MGAT5B: variants seen among roughly 807,000 people sequenced by gnomAD.
MGAT5B encodes alpha-1,6-mannosylglycoprotein 6-beta-N-acetylglucosaminyltransferase B, also known as N-acetylglucosaminyl-transferase Vb.
In MGAT5B, 54 loss-of-function variants were observed where a neutral mutation model predicts 95.1. The observed-to-expected ratio is 0.57, with a 90% CI of 0.46 to 0.71. The LOEUF (loss-of-function observed/expected upper bound fraction) is 0.71, where lower values mean the gene tolerates loss of function less well. Among genes scored for constraint, MGAT5B ranks in the 30% least tolerant of loss-of-function variants. MGAT5B has a pLI of 0.00. For synonymous variants in MGAT5B, 464 were observed against 451.0 expected (o/e 1.03, Z -0.36); for missense variants, 935 against 1,088.6 (o/e 0.86, Z 1.99).
At chr17:76,901,229 G>A (rs1968305104) in intron 3 of MGAT5B, among the ~76,000 whole-genome samples, 1 of 152,140 alleles carries the variant, frequency 6.6e-6, no homozygotes, top group Non-Finnish European at 1.5e-5. Flanking sequence ...AGAAGAGGAG[G>A]AGAGGTGGGG....
chr17:76,875,834 G>T (rs1347857468), intron 2 of MGAT5B, among the ~76,000 whole-genome samples: 1 of 151,892 alleles, frequency 6.6e-6, no homozygotes, highest in African/African-American at 2.4e-5. Context: ...AGGCATTTCT[G>T]TTGGGTATAC....
chr17:76,932,588 CTGGGGCTGCCCT>C lies in MGAT5B; in HGVS notation c.1292-53_1292-42del, dbSNP rs1175852109. The C allele has an allele frequency of 5.6e-6, 9 of 1,607,318 alleles. No homozygotes were observed. The Admixed American group carries it at 1.5e-4, about 27-fold the overall frequency. ...CTTGGGCGGGGCAGTCCAGGGAGGC[CTGGGGCTGCCCT>C]TGGTTGTTTGGTGACCCCATTCCTT... is the stretch of plus-strand genomic sequence containing the variant. On this transcript the variant is annotated intron_variant, in intron 10 of 17. Coordinates refer to ENST00000569840, the MANE Select transcript of MGAT5B (RefSeq NM_001199172.2).
Position 76,949,971 on chromosome 17 carries a change from CT to C in MGAT5B, c.*1135del, listed in dbSNP as rs1970156997. 2.7e-5 allele frequency: 4 copies of C among 148,550 alleles called. No homozygotes were observed. The highest frequency in any genetic ancestry group is 1.1e-4 in the African/African-American group (4 of 37,424). 9.2% of individuals were successfully genotyped at this position (148,550 alleles called of 1,614,324 possible). Reference sequence around the variant, plus strand: ...CAAACCGCCTCTGGATCTAGCTGTCCTTCTCCGAGTGGCACGCCTGCCCCAG... The same window carrying C: ...CAAACCGCCTCTGGATCTAGCTGTCCTCTCCGAGTGGCACGCCTGCCCCAG... On this transcript the variant is annotated 3_prime_UTR_variant, in exon 18 of 18. Coordinates refer to ENST00000569840, the MANE Select transcript of MGAT5B (RefSeq NM_001199172.2).
At chr17:76,934,192 A>G (rs1321201340) in intron 12 of MGAT5B, among the ~76,000 whole-genome samples, 1 of 152,186 alleles carries the variant, frequency 6.6e-6, no homozygotes, top group Non-Finnish European at 1.5e-5. Context: ...AGAGCTTGCT[A>G]TGTGCCAGGC....
intron 3 of MGAT5B, among the ~76,000 whole-genome samples, chr17:76,883,856 T>C (rs181189978): frequency 4.6e-5 from 7 of 152,356 alleles, no homozygotes; most frequent in Non-Finnish European, 7.3e-5. Context: ...AGGAGGTCAC[T>C]GTGCCCGTGG....
chr17:76,902,518 C>A (rs1968350402), intron 3 of MGAT5B, 37 bp from the exon 4 acceptor site: 2 of 1,498,186 alleles, frequency 1.3e-6, no homozygotes, highest in Non-Finnish European at 1.8e-6. Flanking sequence ...GTCACCCCGG[C>A]CGGTTCTGTG....
intron 3 of MGAT5B, among the ~76,000 whole-genome samples, chr17:76,883,428 C>T (rs1022286621): frequency 2.0e-5 from 3 of 152,188 alleles, no homozygotes; most frequent in Non-Finnish European, 4.4e-5. Flanking sequence ...CCTGCTTCGG[C>T]CAGGATGTCT....
intron 6 of MGAT5B, 25 bp downstream of exon 6, chr17:76,904,447 G>A (rs761836889): frequency 5.9e-5 from 91 of 1,545,920 alleles, no homozygotes; most frequent in East Asian, 5.1e-4. Flanking sequence ...TGGGTGGGCC[G>A]GTGAGGGGCT....
At chr17:76,895,848 A>C (rs1968046892) in intron 3 of MGAT5B, among the ~76,000 whole-genome samples, 1 of 152,214 alleles carries the variant, frequency 6.6e-6, no homozygotes, top group African/African-American at 2.4e-5. Flanking sequence ...TATATTTTAT[A>C]ATATATGAAA....
chr17:76,913,842 G>A (rs755443959), intron 8 of MGAT5B: 6 of 455,200 alleles, frequency 1.3e-5, no homozygotes, highest in South Asian at 3.1e-5. Context: ...TGGGTGGGGC[G>A]GCTCACTCCT....
chr17:76,893,033 G>A lies in MGAT5B; in HGVS notation c.330-9522G>A, dbSNP rs1305261597. The stretch of plus-strand genomic sequence containing the variant: ...GGCAGGCCTTTCTTTCTAATGTGTG[G>A]GTGTGGACATCCCGGAGCTGCCCAG... On this transcript the variant is annotated intron_variant, in intron 3 of 17. Coordinates refer to ENST00000569840, the MANE Select transcript of MGAT5B (RefSeq NM_001199172.2). Among the ~76,000 whole-genome samples the A allele has an allele frequency of 5.9e-5, 9 of 152,254 alleles. No homozygotes were observed. The East Asian group carries it at 1.5e-3, about 26-fold the overall frequency.
rs959687971 is a variant in MGAT5B at position 76,943,445 on chromosome 17, G to A, written c.1848+2597G>A. 2.0e-5 allele frequency among the ~76,000 whole-genome samples: 3 copies of A among 152,078 alleles called. No homozygotes were observed. In the East Asian group the frequency reaches 5.8e-4, roughly 29 times the overall value. ...ACATTTATGTGCCCAAGAGTCACCCGGGGGGAGGGCCTTAAATGCAGATCC... is the reference window on the plus strand; with the variant it reads ...ACATTTATGTGCCCAAGAGTCACCCAGGGGGAGGGCCTTAAATGCAGATCC... On this transcript the variant is annotated intron_variant, in intron 15 of 17. Transcript: ENST00000569840.
rs886740294 is a variant in MGAT5B, at chr17:76,900,000, G to A, written c.330-2555G>A. On this transcript the variant is annotated intron_variant, in intron 3 of 17. Transcript: ENST00000569840. ...AGTGCTGATCACGAATGCAAACAGT[G>A]CTGATGTCACACAGGTGCCGCTGGC... Among the ~76,000 whole-genome samples the A allele has an allele frequency of 2.6e-5, 4 of 152,186 alleles. No individual in the cohort carries two copies. In the East Asian group the frequency reaches 7.7e-4, roughly 29 times the overall value.
chr17:76,913,617 G>A, intron 8 of MGAT5B: 2 of 468,230 alleles, frequency 4.3e-6, no homozygotes, highest in East Asian at 6.1e-5. Context: ...TGGGAAAACA[G>A]GCTTGAGGGG....
chr17:76,909,564 C>A (rs1968657931), intron 8 of MGAT5B, among the ~76,000 whole-genome samples: 1 of 152,228 alleles, frequency 6.6e-6, no homozygotes, highest in Non-Finnish European at 1.5e-5. Flanking sequence ...GCAGAGGATG[C>A]TGATGAGGAC....
At chr17:76,932,080 C>T (rs1200831925) in intron 10 of MGAT5B, among the ~76,000 whole-genome samples, 1 of 77,722 alleles carries the variant, frequency 1.3e-5, no homozygotes, top group Non-Finnish European at 2.5e-5. Context: ...TCCTCCTCCT[C>T]CTCCTCCCCC....
At chr17:76,900,965 C>G (rs57569572) in intron 3 of MGAT5B, among the ~76,000 whole-genome samples, 12,960 of 118,706 alleles carry the variant, frequency 0.11, 1,430 homozygotes, top group African/African-American at 0.35. Context: ...GTGTGCACGC[C>G]TGTGTGCATG....
At chr17:76,942,009 G>C (rs879259100) in intron 15 of MGAT5B, among the ~76,000 whole-genome samples, 51 of 152,296 alleles carry the variant, frequency 3.3e-4, no homozygotes, top group Non-Finnish European at 6.3e-4. Context: ...AGATGGGCTC[G>C]GCAGGCCAGA....
chr17:76,947,607 G>A (rs1201192513), intron 16 of MGAT5B, among the ~76,000 whole-genome samples: 1 of 152,198 alleles, frequency 6.6e-6, no homozygotes, highest in Non-Finnish European at 1.5e-5. Context: ...CCAAGGCCCT[G>A]GGCGGATGCC....
Sources: allele counts gnomAD v4.1 joint callset (sites outside exome capture counted in the v4.1 genomes callset), GRCh38; gene constraint gnomAD v4.1.1; transcripts MANE v1.5; gene names NCBI Gene and HGNC (gene_info 2026-07-23, HGNC 2026-07-21).